Variants in EIF2AK4 observed in about 807,000 individuals in gnomAD.
EIF2AK4 encodes eIF-2-alpha kinase GCN2.
In EIF2AK4, 139 loss-of-function variants were observed where a neutral mutation model predicts 211.1. The observed-to-expected ratio is 0.66, with a 90% CI of 0.57 to 0.76. The LOEUF (loss-of-function observed/expected upper bound fraction) is 0.76. Ranked by LOEUF, EIF2AK4 falls within the 30% of genes least tolerant of loss-of-function variation. The probability of loss-of-function intolerance (pLI) is 0.00; values close to 1 mark genes in which losing one functional copy is unlikely to be tolerated. For missense variants in EIF2AK4, 1,664 were observed against 2,043.8 expected (o/e 0.81, Z 3.58); for synonymous variants, 710 against 751.3 (o/e 0.94, Z 0.90).
intron 3 of EIF2AK4, chr15:39,946,685 A>G (rs1362837303): frequency 4.3e-6 from 3 of 699,808 alleles, no homozygotes; most frequent in Non-Finnish European, 7.8e-6. Flanking sequence ...GAAATCTTCC[A>G]TGAAAGGAAG....
rs768947886 is a variant in EIF2AK4, at chr15:40,008,055, C to T, written c.3436C>T (p.Arg1146Cys). The change falls in exon 25 of 39, where the codon CGC becomes TGC. Residue 1146 changes from arginine (R) to cysteine (C), a missense_variant. Arg to Cys is a radical substitution (Grantham distance 180, BLOSUM62 -3). This residue lies in a region of EIF2AK4 where 622 missense variants were observed against 796.8 expected (regional missense o/e 0.78). Coordinates refer to ENST00000263791, the MANE Select transcript of EIF2AK4 (RefSeq NM_001013703.4). Reference protein sequence around the residue: ...RYCIERVFRPRKLDRFHPKEL... With the variant: ...RYCIERVFRPCKLDRFHPKEL... The stretch of plus-strand genomic sequence containing the variant: ...CTGCATAGAACGTGTGTTCAGGCCG[C>T]GCAAGTTAGATCGATTTCATCCCAA... The T allele has an allele frequency of 1.9e-6, 3 of 1,608,488 alleles. No homozygotes were observed. The highest frequency in any genetic ancestry group is 1.7e-5 in the Admixed American group (1 of 59,074).
chr15:40,034,214 T>A lies in EIF2AK4; in HGVS notation c.4774-112T>A, dbSNP rs913035055. ...TCTGCTATCTCCCTATTACTGATTCTCCTGGTATACTTGAAGAGGGAAATG... is the reference window on the plus strand; with the variant it reads ...TCTGCTATCTCCCTATTACTGATTCACCTGGTATACTTGAAGAGGGAAATG... On this transcript the variant is annotated intron_variant, in intron 37 of 38. Coordinates refer to ENST00000263791, the MANE Select transcript of EIF2AK4 (RefSeq NM_001013703.4). The A allele has an allele frequency of 6.3e-6, 5 of 790,254 alleles. No individual in the cohort carries two copies. The East Asian group carries it at 1.2e-4, about 20-fold the overall frequency. The allele number at this position is 790,254 out of a possible 1,614,324, so 49.0% of individuals were successfully genotyped here.
At chr15:39,947,078 A>G (rs2034239018) in intron 3 of EIF2AK4, among the ~76,000 whole-genome samples, 1 of 152,188 alleles carries the variant, frequency 6.6e-6, no homozygotes, top group Non-Finnish European at 1.5e-5. Context: ...CGCCTGTGCT[A>G]GCATTCATCT....
At chr15:40,010,171 T>G (rs1470740323) in intron 26 of EIF2AK4, among the ~76,000 whole-genome samples, 1 of 152,228 alleles carries the variant, frequency 6.6e-6, no homozygotes, top group Non-Finnish European at 1.5e-5. Flanking sequence ...CTCTGATGGA[T>G]GAACTCACTT....
chr15:40,025,924 G>A (rs1272084796), intron 32 of EIF2AK4, 53 bp from the exon 33 acceptor site: 7 of 1,552,398 alleles, frequency 4.5e-6, no homozygotes, highest in Non-Finnish European at 6.2e-6. Context: ...CTCTGAGCTA[G>A]TCTTCTGGGT....
intron 27 of EIF2AK4, among the ~76,000 whole-genome samples, chr15:40,016,182 A>G (rs1213860475): frequency 1.3e-5 from 2 of 152,224 alleles, no homozygotes; most frequent in African/African-American, 4.8e-5. Context: ...AAGAGGAAAA[A>G]TACTGGCCTG....
chr15:39,934,431 C>G, intron 1 of EIF2AK4, 92 bp downstream of exon 1: 1 of 1,466,742 alleles, frequency 6.8e-7, no homozygotes, highest in Non-Finnish European at 9.1e-7. Context: ...TGGGCCGCCG[C>G]TTTAGGATCC....
Position 39,934,192 on chromosome 15 carries a change from T to G in EIF2AK4, c.-4T>G. The G allele has an allele frequency of 6.5e-7, 1 of 1,540,564 alleles. No homozygotes were observed. Among genetic ancestry groups the G allele is most frequent in the Non-Finnish European group, 8.7e-7 (1 of 1,145,492 alleles). ...GGCCGCCCTGCCTTGGGCGCAGCGC[T>G]GCCATGGCTGGGGGCCGTGGGGCCC... On this transcript the variant is annotated 5_prime_UTR_variant, in exon 1 of 39. Transcript: ENST00000263791.
At chr15:39,999,356 G>A (rs1273146799) in intron 20 of EIF2AK4, among the ~76,000 whole-genome samples, 2 of 152,084 alleles carry the variant, frequency 1.3e-5, no homozygotes. Context: ...TGTGTATTGG[G>A]CTTCTGGTAT....
At position 40,008,175 on chromosome 15, in the gene EIF2AK4, C is replaced by G. The variant is rs755569292; in HGVS notation, c.3556C>G (p.Gln1186Glu). The G allele has an allele frequency of 5.0e-6, 8 of 1,603,730 alleles. No individual in the cohort carries two copies. In the African/African-American group the frequency reaches 1.1e-4, roughly 22 times the overall value. The change falls in exon 25 of 39, where the codon CAA (glutamine) becomes GAA (glutamate). Residue 1186 changes from glutamine to glutamate, a missense_variant. Physicochemically the swap from Gln to Glu is conservative, Grantham distance 29 (BLOSUM62 2). This residue lies in a region of EIF2AK4 where 622 missense variants were observed against 796.8 expected (regional missense o/e 0.78). Coordinates refer to ENST00000263791, the MANE Select transcript of EIF2AK4 (RefSeq NM_001013703.4). ...EIIYTIYEII[Q>E]EFPALQERNY... ...TATCTACACTATCTATGAAATCATC[C>G]AAGAGTTTCCAGCACTTCAGGTTCC...
At chr15:40,032,865 C>A in intron 37 of EIF2AK4, 64 bp downstream of exon 37, 1 of 1,417,502 alleles carries the variant, frequency 7.1e-7, no homozygotes, top group Non-Finnish European at 9.8e-7. Context: ...TATTAGTTTG[C>A]CAAAATACTG....
chr15:39,940,329 G>A (rs1216492803), intron 2 of EIF2AK4, among the ~76,000 whole-genome samples: 3 of 152,216 alleles, frequency 2.0e-5, no homozygotes, highest in Admixed American at 1.3e-4. Flanking sequence ...ACATGGAAAG[G>A]CAGGTTGGCC....
At chr15:39,981,370 CA>C (rs796464935) in intron 13 of EIF2AK4, among the ~76,000 whole-genome samples, 1,733 of 130,644 alleles carry the variant, frequency 0.013, 22 homozygotes, top group African/African-American at 0.039. Context: ...AACTCTGTCT[CA>C]AAAAAAAAAA....
intron 18 of EIF2AK4, 23 bp from the exon 19 acceptor site, chr15:39,996,941 A>T: frequency 6.7e-7 from 1 of 1,494,328 alleles, no homozygotes; most frequent in Non-Finnish European, 9.3e-7. Flanking sequence ...GGCTCTCTAA[A>T]TGCAATTATT....
chr15:39,996,046 C>G (rs1032866556), intron 18 of EIF2AK4, among the ~76,000 whole-genome samples: 18 of 152,110 alleles, frequency 1.2e-4, no homozygotes, highest in African/African-American at 4.1e-4. Context: ...AGCCATCATT[C>G]TGTTCTCTGT....
intron 32 of EIF2AK4, 57 bp from the exon 33 acceptor site, chr15:40,025,920 G>A (rs1319578828): frequency 3.3e-6 from 5 of 1,524,646 alleles, no homozygotes; most frequent in Non-Finnish European, 4.5e-6. Context: ...GGTGCTCTGA[G>A]CTAGTCTTCT....
In EIF2AK4 at chr15:39,967,318, C is replaced by CTT. The variant is rs33911018; in HGVS notation, c.1018-12_1018-11dup. 325,421 of 1,360,768 alleles carry CTT rather than the reference C, an allele frequency of 0.24. 7,950 individuals carry two copies. The highest frequency in any genetic ancestry group is 0.27 in the Non-Finnish European group (277,452 of 1,021,784). 84.3% of individuals were successfully genotyped at this position (1,360,768 alleles called of 1,614,324 possible). ...AGTTAATGTTGACTGGCCCAATATTCTTTTTTTTTTTTTTTAACTTATCAG... is the reference window on the plus strand; with the variant it reads ...AGTTAATGTTGACTGGCCCAATATTCTTTTTTTTTTTTTTTTTAACTTATCAG... On this transcript the variant is annotated intron_variant, in intron 8 of 38. Transcript: ENST00000263791.
At chr15:40,002,399 C>T in intron 21 of EIF2AK4, 1 of 265,940 alleles carries the variant, frequency 3.8e-6, no homozygotes, top group Non-Finnish European at 7.2e-6. Context: ...CCACAGTATC[C>T]CTGAGAGTCA....
At position 40,011,327 on chromosome 15, in the gene EIF2AK4, T is replaced by A; in HGVS notation, c.3740T>A (p.Leu1247Gln). ...GAAGTGGAAGCTAAATTTTGTAATCTGTCTTTGTCTTCTAATAGTGTAAGT... is the reference window on the plus strand; with the variant it reads ...GAAGTGGAAGCTAAATTTTGTAATCAGTCTTTGTCTTCTAATAGTGTAAGT... ...RREVEAKFCNLSLSSNSLCRL... is the reference protein window; with the variant it reads ...RREVEAKFCNQSLSSNSLCRL... Residue 1247 changes from leucine (L) to glutamine (Q), a missense_variant, in exon 27 of 39, where the codon CTG (leucine) becomes CAG (glutamine). Physicochemically the swap from Leu to Gln is moderately radical, Grantham distance 113. This residue lies in a region of EIF2AK4 where 622 missense variants were observed against 796.8 expected (regional missense o/e 0.78). Coordinates refer to ENST00000263791, the MANE Select transcript of EIF2AK4 (RefSeq NM_001013703.4). 1 of 1,613,222 alleles carries A rather than the reference T, an allele frequency of 6.2e-7. No homozygotes were observed. Among genetic ancestry groups the A allele is most frequent in the Non-Finnish European group, 8.5e-7 (1 of 1,179,400 alleles).
Sources: allele counts gnomAD v4.1 joint callset (sites outside exome capture counted in the v4.1 genomes callset), GRCh38; gene constraint gnomAD v4.1.1; regional missense constraint gnomAD v4.1.1; transcripts MANE v1.5; gene names NCBI Gene and HGNC (gene_info 2026-07-23, HGNC 2026-07-21).